The following POFUT3 variants were observed in gnomAD, a reference collection of about 807,000 sequenced individuals.
POFUT3 encodes protein O-fucosyltransferase 3.
At chr8:33,332,476 C>T in the POFUT3 span, among the ~76,000 whole-genome samples, 231 of 134,406 alleles carry the variant, frequency 1.7e-3, 3 homozygotes, top group African/African-American at 6.1e-3. Context: ...CAGAGCAAGA[C>T]TCTGTCTGAA....
At chr8:33,317,687 T>G in the POFUT3 span, among the ~76,000 whole-genome samples, 1 of 152,048 alleles carries the variant, frequency 6.6e-6, no homozygotes, top group East Asian at 1.9e-4. Context: ...GGTTGCCCTG[T>G]AAATAAACAC....
At chr8:33,406,105 C>T in the POFUT3 span, among the ~76,000 whole-genome samples, 1 of 151,666 alleles carries the variant, frequency 6.6e-6, no homozygotes, top group Non-Finnish European at 1.5e-5. Context: ...TTCATAGTAA[C>T]ACAACAAAAA....
At chr8:33,365,208 G>T in the POFUT3 span, among the ~76,000 whole-genome samples, 1 of 152,192 alleles carries the variant, frequency 6.6e-6, no homozygotes, top group African/African-American at 2.4e-5. Flanking sequence ...CTAGCTATAT[G>T]TAGAAAGCTG....
At chr8:33,451,608 GTATATGTGTA>G in the POFUT3 span, 3 of 151,836 alleles carry the variant, frequency 2.0e-5, no homozygotes, top group African/African-American at 2.4e-5. Flanking sequence ...GTGTGCATGT[GTATATGTGTA>G]TATATGTGTG....
chr8:33,469,513 C>T, the POFUT3 span, among the ~76,000 whole-genome samples: 2 of 152,162 alleles, frequency 1.3e-5, no homozygotes, highest in African/African-American at 2.4e-5. Flanking sequence ...GAAAGGCACA[C>T]TGGCAGTCAT....
chr8:33,435,373 G>A, the POFUT3 span, among the ~76,000 whole-genome samples: 8 of 151,538 alleles, frequency 5.3e-5, no homozygotes, highest in Non-Finnish European at 7.4e-5. Flanking sequence ...ACACACCACC[G>A]CACCTGGCTA....
At chr8:33,352,643 G>A in the POFUT3 span, among the ~76,000 whole-genome samples, 6 of 152,246 alleles carry the variant, frequency 3.9e-5, no homozygotes, top group East Asian at 1.2e-3. Flanking sequence ...AGGAAATAGA[G>A]ACAAATATGG....
chr8:33,453,815 C>T, the POFUT3 span, among the ~76,000 whole-genome samples: 3 of 151,828 alleles, frequency 2.0e-5, no homozygotes, highest in African/African-American at 4.8e-5. Context: ...GGCATGGTGG[C>T]GGCACACACC....
the POFUT3 span, among the ~76,000 whole-genome samples, chr8:33,458,195 G>A: frequency 6.6e-6 from 1 of 152,092 alleles, no homozygotes; most frequent in African/African-American, 2.4e-5. Context: ...ATAAGCCAAG[G>A]AGAGAGGCCA....
chr8:33,447,091 C>T, the POFUT3 span, among the ~76,000 whole-genome samples: 1 of 152,172 alleles, frequency 6.6e-6, no homozygotes, highest in African/African-American at 2.4e-5. Flanking sequence ...GATACTTCAT[C>T]GCTCGGGAGA....
At chr8:33,465,319 A>C in the POFUT3 span, among the ~76,000 whole-genome samples, 3 of 152,020 alleles carry the variant, frequency 2.0e-5, no homozygotes, top group African/African-American at 7.3e-5. Context: ...AAAGTAGGCA[A>C]GGTAGGTATT....
the POFUT3 span, among the ~76,000 whole-genome samples, chr8:33,380,148 C>CACTATATATATATACTATATATATAT: frequency 1.4e-3 from 51 of 36,500 alleles, 1 homozygote; most frequent in Non-Finnish European, 1.7e-3. Context: ...TATATATATA[C>CACTATATATATATACTATATATATAT]ACTATATATA....
At chr8:33,466,733 C>G in the POFUT3 span, among the ~76,000 whole-genome samples, 1 of 152,232 alleles carries the variant, frequency 6.6e-6, no homozygotes, top group South Asian at 2.1e-4. Flanking sequence ...CTATGAAGGA[C>G]AGCAGGCTCC....
chr8:33,353,568 A>G, the POFUT3 span, among the ~76,000 whole-genome samples: 1 of 152,154 alleles, frequency 6.6e-6, no homozygotes, highest in Non-Finnish European at 1.5e-5. Context: ...CGTGCCCTTC[A>G]TGAATGACCC....
chr8:33,449,059 C>T, the POFUT3 span, among the ~76,000 whole-genome samples: 2 of 152,146 alleles, frequency 1.3e-5, no homozygotes, highest in African/African-American at 4.8e-5. Context: ...GTGAACTCTA[C>T]ACTGCACTAG....
At chr8:33,470,731 A>G in the POFUT3 span, among the ~76,000 whole-genome samples, 1 of 152,220 alleles carries the variant, frequency 6.6e-6, no homozygotes, top group African/African-American at 2.4e-5. Context: ...TGCTTTTATC[A>G]TTTATATATT....
the POFUT3 span, among the ~76,000 whole-genome samples, chr8:33,412,959 A>G: frequency 6.6e-5 from 10 of 152,282 alleles, no homozygotes; most frequent in Admixed American, 4.6e-4. Flanking sequence ...CCTGGGCACC[A>G]AGGCATTGCA....
At chr8:33,322,425 T>C in the POFUT3 span, among the ~76,000 whole-genome samples, 1 of 152,068 alleles carries the variant, frequency 6.6e-6, no homozygotes, top group Non-Finnish European at 1.5e-5. Context: ...GCTTGGCTTG[T>C]GACATGCCAT....
the POFUT3 span, among the ~76,000 whole-genome samples, chr8:33,379,953 A>T: frequency 2.7e-5 from 3 of 110,710 alleles, no homozygotes; most frequent in East Asian, 6.9e-4. Flanking sequence ...TACCCTATAT[A>T]TACTATATAT....
Sources: allele counts gnomAD v4.1 joint callset (sites outside exome capture counted in the v4.1 genomes callset), GRCh38; gene constraint gnomAD v4.1.1; transcripts MANE v1.5; gene names NCBI Gene and HGNC (gene_info 2026-07-23, HGNC 2026-07-21).